The following CAP2 variants were observed in gnomAD, a reference collection of about 807,000 sequenced individuals.
CAP2 encodes the protein cyclase associated actin cytoskeleton regulatory protein 2.
Under a neutral mutation model 57.7 loss-of-function variants are expected in CAP2, and 24 were observed. The observed-to-expected ratio is 0.42, with a 90% CI of 0.30 to 0.58. The LOEUF (loss-of-function observed/expected upper bound fraction) is 0.58, where lower values mean the gene tolerates loss of function less well. CAP2 is among the 20% of genes least tolerant of loss of function. The pLI is 0.22. For missense variants in CAP2, 501 were observed against 590.3 expected, an observed-to-expected ratio of 0.85 and a Z score of 1.57; for synonymous variants, 194 against 207.2, an observed-to-expected ratio of 0.94 and a Z score of 0.55.
intron 4 of CAP2, among the ~76,000 whole-genome samples, chr6:17,473,935 A>G (rs577317924): frequency 6.6e-6 from 1 of 152,358 alleles, no homozygotes; most frequent in South Asian, 2.1e-4. Flanking sequence ...AACTACAAAT[A>G]ATCTAAATAA....
intron 1 of CAP2, among the ~76,000 whole-genome samples, chr6:17,403,017 G>A (rs1249196671): frequency 1.3e-5 from 2 of 152,116 alleles, no homozygotes; most frequent in Non-Finnish European, 2.9e-5. Flanking sequence ...TCCTCATTAT[G>A]TTTCCCAGCA....
intron 4 of CAP2, among the ~76,000 whole-genome samples, chr6:17,500,888 G>T (rs1331842240): frequency 6.6e-6 from 1 of 152,122 alleles, no homozygotes; most frequent in Non-Finnish European, 1.5e-5. Flanking sequence ...GAATAAACTA[G>T]TGAAACTTTA....
intron 2 of CAP2, among the ~76,000 whole-genome samples, chr6:17,424,931 C>T (rs1759548974): frequency 6.6e-6 from 1 of 152,224 alleles, no homozygotes; most frequent in African/African-American, 2.4e-5. Flanking sequence ...TGTCTCCAAA[C>T]GGATCCATAA....
chr6:17,458,705 T>C (rs768979404), intron 3 of CAP2, among the ~76,000 whole-genome samples: 2 of 152,160 alleles, frequency 1.3e-5, no homozygotes, highest in African/African-American at 2.4e-5. Context: ...TGTATTAAGC[T>C]AGTTCTTGCC....
At chr6:17,458,710 C>T (rs1190410999) in intron 3 of CAP2, among the ~76,000 whole-genome samples, 1 of 152,068 alleles carries the variant, frequency 6.6e-6, no homozygotes, top group Non-Finnish European at 1.5e-5. Context: ...TAAGCTAGTT[C>T]TTGCCTATTT....
intron 8 of CAP2, among the ~76,000 whole-genome samples, chr6:17,539,707 G>A (rs1762855855): frequency 6.6e-6 from 1 of 152,162 alleles, no homozygotes; most frequent in South Asian, 2.1e-4. Flanking sequence ...ATGGACCACT[G>A]TGCTGCATCC....
At chr6:17,443,873 A>T (rs988593231) in intron 3 of CAP2, among the ~76,000 whole-genome samples, 3 of 152,242 alleles carry the variant, frequency 2.0e-5, no homozygotes, top group Non-Finnish European at 4.4e-5. Flanking sequence ...ATACACACAC[A>T]TATGTTATAA....
intron 1 of CAP2, among the ~76,000 whole-genome samples, chr6:17,399,944 G>A (rs1013160345): frequency 3.3e-5 from 5 of 152,196 alleles, no homozygotes; most frequent in African/African-American, 9.6e-5. Context: ...TGTAGTGGCC[G>A]GGCATGGTGG....
At chr6:17,494,352 C>G (rs374158414) in intron 4 of CAP2, among the ~76,000 whole-genome samples, 3 of 152,104 alleles carry the variant, frequency 2.0e-5, no homozygotes, top group Non-Finnish European at 4.4e-5. Context: ...CTCCCTCAGT[C>G]GCTCCATTCC....
chr6:17,461,631 C>T (rs1760721526), intron 3 of CAP2, among the ~76,000 whole-genome samples: 1 of 151,914 alleles, frequency 6.6e-6, no homozygotes, highest in Non-Finnish European at 1.5e-5. Context: ...GAAAAAAATG[C>T]CAAAATGGTT....
intron 11 of CAP2, among the ~76,000 whole-genome samples, chr6:17,547,840 CA>C (rs35831731): frequency 0.013 from 1,488 of 112,776 alleles, 23 homozygotes; most frequent in African/African-American, 0.043. Flanking sequence ...GACTCTGTCT[CA>C]AAAAAAAAAA....
Position 17,539,364 on chromosome 6 carries a change from T to A in CAP2, c.732T>A (p.Pro244=), listed in dbSNP as rs780760036. ...CTCCTCTGCCTCCTCCAGGGCCACC[T>A]CCACTTTTCGAGAATGAAGGCAAAA... is the stretch of plus-strand genomic sequence containing the variant. ...PPPPLPPPGP[P]PLFENEGKKE... Residue 244 remains proline (P), a synonymous_variant, in exon 8 of 13, where the codon CCT becomes CCA. Coordinates refer to ENST00000229922, the MANE Select transcript of CAP2 (RefSeq NM_006366.3). The A allele has an allele frequency of 2.5e-6, 4 of 1,614,030 alleles. No individual in the cohort carries two copies.
chr6:17,456,078 C>T (rs1006569321), intron 3 of CAP2, among the ~76,000 whole-genome samples: 1 of 152,168 alleles, frequency 6.6e-6, no homozygotes, highest in Non-Finnish European at 1.5e-5. Flanking sequence ...TCATTTAGGC[C>T]AGTGGTTTTG....
chr6:17,399,105 C>T (rs1018010494), intron 1 of CAP2, among the ~76,000 whole-genome samples: 2 of 152,140 alleles, frequency 1.3e-5, no homozygotes, highest in Non-Finnish European at 2.9e-5. Context: ...GCTTTGTCAC[C>T]CAGGCTGGAG....
intron 4 of CAP2, among the ~76,000 whole-genome samples, chr6:17,503,572 C>T (rs1181921379): frequency 6.8e-6 from 1 of 147,956 alleles, no homozygotes; most frequent in Non-Finnish European, 1.5e-5. Context: ...CCGGTGCACT[C>T]CAGCCTAGGC....
chr6:17,447,375 G>A (rs545917994), intron 3 of CAP2, among the ~76,000 whole-genome samples: 18 of 152,110 alleles, frequency 1.2e-4, no homozygotes, highest in Admixed American at 6.5e-4. Context: ...CCTTATTTTC[G>A]TTTTCCATAT....
At chr6:17,547,658 A>G (rs184577929) in intron 11 of CAP2, among the ~76,000 whole-genome samples, 425 of 151,962 alleles carry the variant, frequency 2.8e-3, no homozygotes, top group African/African-American at 4.6e-3. Flanking sequence ...TGGCTAACAC[A>G]GTGAAACCCT....
At chr6:17,435,681 TAAAAAAAAAAAAA>T (rs71002211) in intron 3 of CAP2, among the ~76,000 whole-genome samples, 1 of 67,420 alleles carries the variant, frequency 1.5e-5, no homozygotes, top group Non-Finnish European at 2.6e-5. Context: ...TAGAGTATAA[TAAAAAAAAAAAAA>T]AAAAAAAAAA....
At chr6:17,451,368 C>T (rs529628020) in intron 3 of CAP2, among the ~76,000 whole-genome samples, 17 of 152,162 alleles carry the variant, frequency 1.1e-4, no homozygotes, top group African/African-American at 3.6e-4. Flanking sequence ...ACCTCCTGTC[C>T]AGGTTGGGTG....
Sources: allele counts gnomAD v4.1 joint callset (sites outside exome capture counted in the v4.1 genomes callset), GRCh38; gene constraint gnomAD v4.1.1; transcripts MANE v1.5; gene names NCBI Gene and HGNC (gene_info 2026-07-23, HGNC 2026-07-21).